The following DOCK3 variants were observed in gnomAD, a reference collection of about 807,000 sequenced individuals.
DOCK3 encodes the protein dedicator of cytokinesis 3.
A neutral mutation model predicts 265.6 loss-of-function variants in DOCK3; 60 were observed. The observed-to-expected ratio is 0.23, with a 90% CI of 0.18 to 0.28. DOCK3 has a LOEUF of 0.28. Ranked by LOEUF, DOCK3 falls within the 10% of genes least tolerant of loss-of-function variation. The pLI is 1.00. For synonymous variants in DOCK3, 881 were observed against 938.0 expected, an observed-to-expected ratio of 0.94 and a Z score of 1.11; for missense variants, 1,981 against 2,594.3, an observed-to-expected ratio of 0.76 and a Z score of 5.14.
At chr3:50,933,310 A>C (rs1307553447) in intron 4 of DOCK3, among the ~76,000 whole-genome samples, 2 of 152,234 alleles carry the variant, frequency 1.3e-5, no homozygotes, top group African/African-American at 4.8e-5. Context: ...CTGAAGATAG[A>C]AATCCTGTTC....
Position 51,089,236 on chromosome 3 carries a change from T to G in DOCK3, c.550-7T>G. On this transcript the variant is annotated splice_region_variant and splice_polypyrimidine_tract_variant and intron_variant, in intron 7 of 52. Transcript: ENST00000266037. ...TAGAGTTTATTTTTCTTTCCTTCTT[T>G]CCATAGCATTTATCTAGCCGGCAGA... 1.2e-6 allele frequency: 2 copies of G among 1,605,290 alleles called. No homozygotes were observed. Among genetic ancestry groups the G allele is most frequent in the South Asian group, 1.1e-5 (1 of 89,074 alleles).
chr3:50,735,590 G>A (rs1473644511), intron 1 of DOCK3, among the ~76,000 whole-genome samples: 6 of 152,146 alleles, frequency 3.9e-5, no homozygotes, highest in African/African-American at 9.6e-5. Context: ...TGCCTGCCTC[G>A]GCCTCCCAAA....
chr3:50,838,183 G>A (rs956617567), intron 2 of DOCK3, among the ~76,000 whole-genome samples: 1 of 152,182 alleles, frequency 6.6e-6, no homozygotes, highest in Admixed American at 6.5e-5. Flanking sequence ...TTGGAGAGTT[G>A]CAGCAAGTTA....
chr3:51,328,604 TAAA>T (rs372897781), intron 32 of DOCK3, among the ~76,000 whole-genome samples: 2 of 134,206 alleles, frequency 1.5e-5, no homozygotes, highest in African/African-American at 5.4e-5. Flanking sequence ...AGACCACTAT[TAAA>T]AAAAAAAAAA....
chr3:51,017,343 G>GT (rs2079390258), intron 5 of DOCK3, among the ~76,000 whole-genome samples: 1 of 150,808 alleles, frequency 6.6e-6, no homozygotes, highest in Non-Finnish European at 1.5e-5. Flanking sequence ...TTGATCATTT[G>GT]TATTTTTTTT....
chr3:50,956,278 T>C (rs1439386397), intron 5 of DOCK3, among the ~76,000 whole-genome samples: 1 of 152,160 alleles, frequency 6.6e-6, no homozygotes, highest in African/African-American at 2.4e-5. Context: ...AATACGAAAC[T>C]TTAGTACCAG....
At chr3:50,951,502 T>G (rs2076591342) in intron 5 of DOCK3, among the ~76,000 whole-genome samples, 1 of 152,182 alleles carries the variant, frequency 6.6e-6, no homozygotes, top group Non-Finnish European at 1.5e-5. Flanking sequence ...AGGGGCAATA[T>G]CAATGTAAAA....
At chr3:50,912,100 C>T (rs187292762) in intron 4 of DOCK3, among the ~76,000 whole-genome samples, 4 of 152,106 alleles carry the variant, frequency 2.6e-5, no homozygotes, top group African/African-American at 9.7e-5. Context: ...TATATATGAT[C>T]ATGTTGTTTT....
At chr3:50,825,303 A>G (rs542497430) in intron 2 of DOCK3, among the ~76,000 whole-genome samples, 27 of 152,318 alleles carry the variant, frequency 1.8e-4, no homozygotes, top group African/African-American at 6.5e-4. Context: ...AAGAGTGGAA[A>G]CTGTCGCTTA....
intron 13 of DOCK3, among the ~76,000 whole-genome samples, chr3:51,213,848 C>T (rs150062044): frequency 1.2e-4 from 18 of 152,238 alleles, no homozygotes; most frequent in East Asian, 3.9e-4. Context: ...CCTAGTTGGA[C>T]GCTGGGGAAC....
chr3:51,313,512 G>C (rs1458232365), intron 31 of DOCK3, among the ~76,000 whole-genome samples: 1 of 152,242 alleles, frequency 6.6e-6, no homozygotes, highest in East Asian at 1.9e-4. Context: ...TGTCAGATCA[G>C]TGTTTTTGGT....
chr3:50,698,060 G>A (rs939361655), intron 1 of DOCK3, among the ~76,000 whole-genome samples: 1 of 152,098 alleles, frequency 6.6e-6, no homozygotes, highest in Non-Finnish European at 1.5e-5. Flanking sequence ...AGTCTTTAAA[G>A]TGTACTATCC....
Position 51,354,900 on chromosome 3 carries a change from C to G in DOCK3, c.4126C>G (p.Arg1376Gly). ...GTGGCAGAACAAAGAATACGTGTGCCGTGGCCATGACTACGAGAGGCTGGA... is the reference window on the plus strand; with the variant it reads ...GTGGCAGAACAAAGAATACGTGTGCGGTGGCCATGACTACGAGAGGCTGGA... ...FFLRNKEYVCRGHDYERLEAF... is the reference protein window; with the variant it reads ...FFLRNKEYVCGGHDYERLEAF... The change falls in exon 41 of 53, where the codon CGT becomes GGT. Residue 1376 changes from arginine (R) to glycine (G), a missense_variant. Arg to Gly is a moderately radical substitution (Grantham distance 125). Coordinates refer to ENST00000266037, the MANE Select transcript of DOCK3 (RefSeq NM_004947.5). The G allele has an allele frequency of 6.2e-7, 1 of 1,613,760 alleles. No individual in the cohort carries two copies. The highest frequency in any genetic ancestry group is 8.5e-7 in the Non-Finnish European group (1 of 1,179,806).
At chr3:50,890,213 A>C (rs1159882983) in intron 4 of DOCK3, 132 bp downstream of exon 4, 9 of 623,632 alleles carry the variant, frequency 1.4e-5, no homozygotes, top group Non-Finnish European at 2.0e-5. Context: ...ATGCTTTATC[A>C]TGTAATTTTG....
intron 5 of DOCK3, among the ~76,000 whole-genome samples, chr3:50,939,836 A>G (rs1332926107): frequency 6.6e-6 from 1 of 152,192 alleles, no homozygotes; most frequent in African/African-American, 2.4e-5. Context: ...ACTCCTATCA[A>G]CACAATATTA....
chr3:51,085,845 A>G (rs1412791708), intron 7 of DOCK3, among the ~76,000 whole-genome samples: 1 of 152,196 alleles, frequency 6.6e-6, no homozygotes, highest in Non-Finnish European at 1.5e-5. Flanking sequence ...AATAGAGCTG[A>G]AAAAAACAAT....
intron 5 of DOCK3, among the ~76,000 whole-genome samples, chr3:50,983,892 T>C (rs1202665213): frequency 6.6e-6 from 1 of 152,152 alleles, no homozygotes; most frequent in Admixed American, 6.5e-5. Flanking sequence ...GGGCTATGAC[T>C]GTCTCTTTGG....
chr3:51,317,257 C>T (rs6445620), intron 32 of DOCK3, among the ~76,000 whole-genome samples: 129,566 of 148,610 alleles, frequency 0.87, 56,557 homozygotes, highest in East Asian at 0.94. Flanking sequence ...TGGTCAAAAA[C>T]CAATTGCCAA....
intron 27 of DOCK3, among the ~76,000 whole-genome samples, chr3:51,288,719 G>C (rs1157379947): frequency 2.0e-5 from 3 of 152,182 alleles, no homozygotes; most frequent in Non-Finnish European, 4.4e-5. Flanking sequence ...CTGAAAATGA[G>C]TTTGAAAGAA....
Sources: gnomAD v4.1 joint callset for allele counts (sites outside exome capture counted in the v4.1 genomes callset) on GRCh38, gnomAD v4.1.1 for gene constraint, MANE v1.5 for transcripts, NCBI Gene and HGNC (gene_info 2026-07-23, HGNC 2026-07-21) for gene names.